Variants in WWC1 observed in about 807,000 individuals in gnomAD.
WWC1 encodes WW and C2 domain containing 1.
WWC1 carries 55 observed loss-of-function variants against 138.4 expected under a neutral mutation model. The observed-to-expected ratio is 0.40, with a 90% CI of 0.32 to 0.50. The LOEUF (loss-of-function observed/expected upper bound fraction) is 0.50. Ranked by LOEUF, WWC1 falls within the 20% of genes least tolerant of loss-of-function variation. The pLI is 0.72. For synonymous variants in WWC1, 524 were observed against 564.9 expected (o/e 0.93, Z 1.03); for missense variants, 1,226 against 1,420.4 (o/e 0.86, Z 2.20).
intron 1 of WWC1, among the ~76,000 whole-genome samples, chr5:168,328,586 G>A (rs773319389): frequency 1.4e-4 from 21 of 151,942 alleles, no homozygotes; most frequent in African/African-American, 2.7e-4. Flanking sequence ...TTGCTCTGTC[G>A]TCCCAACTGG....
intron 1 of WWC1, among the ~76,000 whole-genome samples, chr5:168,326,026 T>C (rs1772501734): frequency 6.6e-6 from 1 of 152,204 alleles, no homozygotes; most frequent in Non-Finnish European, 1.5e-5. Context: ...CCCTTGTATG[T>C]TGATATCACA....
Position 168,292,157 on chromosome 5 carries a change from C to G in WWC1, c.5C>G (p.Pro2Arg). The G allele has an allele frequency of 6.5e-7, 1 of 1,540,104 alleles. No individual in the cohort carries two copies. Among genetic ancestry groups the G allele is most frequent in the Non-Finnish European group, 8.8e-7 (1 of 1,142,590 alleles). The change falls in exon 1 of 23, where the codon CCC (proline) becomes CGC (arginine). Residue 2 changes from proline (P) to arginine (R), a missense_variant. This residue lies in a region of WWC1 where 1,016 missense variants were observed against 1,153.9 expected (regional missense o/e 0.88). Transcript: ENST00000265293. The surrounding 1 kb of genome is among the most constrained non-coding windows in gnomAD (Gnocchi z 4.4). M[P>R]RPELPLPEGW... is the part of the protein sequence containing the mutation. ...GCGCCGGCAGCGCTTGGGAAGATGC[C>G]CCGGCCGGAGCTGCCCCTGCCGGAG...
chr5:168,306,387 C>T (rs2152744924), intron 1 of WWC1, among the ~76,000 whole-genome samples: 1 of 152,276 alleles, frequency 6.6e-6, no homozygotes, highest in East Asian at 1.9e-4. Context: ...CAGAGCGAGA[C>T]TCCATCTTAA....
chr5:168,433,351 G>C (rs749634505), intron 15 of WWC1, among the ~76,000 whole-genome samples: 3 of 152,178 alleles, frequency 2.0e-5, no homozygotes, highest in Non-Finnish European at 4.4e-5. Context: ...TCACACTTTG[G>C]GTAGCAAGAA....
intron 19 of WWC1, among the ~76,000 whole-genome samples, chr5:168,458,824 T>A (rs915573375): frequency 6.6e-6 from 1 of 152,238 alleles, no homozygotes; most frequent in Non-Finnish European, 1.5e-5. Context: ...AAGGACTTAA[T>A]GTAGCTTCTG....
chr5:168,388,829 C>CAA (rs879533142), intron 3 of WWC1, among the ~76,000 whole-genome samples: 1 of 135,812 alleles, frequency 7.4e-6, no homozygotes, highest in East Asian at 2.1e-4. Flanking sequence ...GACTCCATCT[C>CAA]AAAAAAAAAA....
chr5:168,437,028 C>T (rs555452183), intron 15 of WWC1, among the ~76,000 whole-genome samples: 9 of 152,282 alleles, frequency 5.9e-5, no homozygotes, highest in African/African-American at 2.2e-4. Context: ...ATTAAAATCT[C>T]TGGGATTATA....
intron 1 of WWC1, among the ~76,000 whole-genome samples, chr5:168,321,665 G>A (rs1772117724): frequency 6.6e-6 from 1 of 151,826 alleles, no homozygotes; most frequent in Non-Finnish European, 1.5e-5. Flanking sequence ...AGCCTCCCGA[G>A]TAGCTGGGAT....
intron 2 of WWC1, among the ~76,000 whole-genome samples, chr5:168,374,064 AGAG>A (rs1561674760): frequency 8.0e-6 from 1 of 125,356 alleles, no homozygotes; most frequent in African/African-American, 3.2e-5. Flanking sequence ...AAAAAAAAAA[AGAG>A]AGAGAGGTAT....
intron 1 of WWC1, among the ~76,000 whole-genome samples, chr5:168,359,917 A>C (rs1294416869): frequency 1.3e-5 from 2 of 152,206 alleles, no homozygotes; most frequent in Admixed American, 1.3e-4. Context: ...AAGGGACTCA[A>C]AGCTTGGCAA....
At chr5:168,435,952 C>T (rs931235299) in intron 15 of WWC1, among the ~76,000 whole-genome samples, 1 of 152,118 alleles carries the variant, frequency 6.6e-6, no homozygotes, top group African/African-American at 2.4e-5. Context: ...AAACCATTCT[C>T]CTGCCTCAGC....
intron 1 of WWC1, among the ~76,000 whole-genome samples, chr5:168,362,390 C>T (rs1292788282): frequency 6.6e-6 from 1 of 152,188 alleles, no homozygotes; most frequent in Non-Finnish European, 1.5e-5. Flanking sequence ...CAAGGTCACA[C>T]AGCTAGAAAA....
intron 13 of WWC1, among the ~76,000 whole-genome samples, chr5:168,429,496 T>A (rs1781777564): frequency 6.6e-6 from 1 of 151,966 alleles, no homozygotes; most frequent in South Asian, 2.1e-4. Context: ...TGACCTCAAA[T>A]GATCTGCCCG....
chr5:168,339,532 C>T (rs1290041495), intron 1 of WWC1, among the ~76,000 whole-genome samples: 1 of 152,138 alleles, frequency 6.6e-6, no homozygotes, highest in Non-Finnish European at 1.5e-5. Context: ...CTGGTTCTGC[C>T]GTTTACTAGC....
chr5:168,322,415 C>T (rs1313175600), intron 1 of WWC1, among the ~76,000 whole-genome samples: 1 of 152,142 alleles, frequency 6.6e-6, no homozygotes, highest in Admixed American at 6.5e-5. Flanking sequence ...AATATATCGA[C>T]AAACAGGTGT....
In WWC1 at chr5:168,333,389, T is replaced by C. The variant is rs181501669; in HGVS notation, c.120-38035T>C. Among the ~76,000 whole-genome samples, 45 of 152,348 alleles carry C rather than the reference T, an allele frequency of 3.0e-4. 1 individual carries two copies. The highest frequency in any genetic ancestry group is 1.1e-3 in the African/African-American group (44 of 41,582). The stretch of plus-strand genomic sequence containing the variant: ...GCCTATTTTGCACCCTTGAGATTCA[T>C]GGAAAATGTGCATCTTTATAATCCT... On this transcript the variant is annotated intron_variant, in intron 1 of 22. Transcript: ENST00000265293.
intron 2 of WWC1, among the ~76,000 whole-genome samples, chr5:168,384,148 C>T (rs1777857599): frequency 7.6e-6 from 1 of 131,276 alleles, no homozygotes; most frequent in Admixed American, 7.5e-5. Context: ...GTGAATATAG[C>T]ATACATATTT....
chr5:168,417,928 C>T (rs76627392), intron 9 of WWC1, among the ~76,000 whole-genome samples: 2,168 of 152,326 alleles, frequency 0.014, 33 homozygotes, highest in Non-Finnish European at 0.021. Context: ...TTTGTGTCTG[C>T]AGCTGTTTCC....
rs145457978 is a variant in WWC1, at chr5:168,444,583, C to A, written c.2523C>A (p.Ser841Arg). The change falls in exon 17 of 23, where the codon AGC becomes AGA. Residue 841 changes from serine (S) to arginine (R), a missense_variant and splice_region_variant. Coordinates refer to ENST00000265293, the MANE Select transcript of WWC1 (RefSeq NM_015238.3). ...GRSSTQTLED[S>R]WRYEETSENE... is the part of the protein sequence containing the mutation. ...GCAGCACACAGACACTGGAAGACAGCTGGTGAGTGAGCCCGCCCTTGGGCC... is the reference window on the plus strand; with the variant it reads ...GCAGCACACAGACACTGGAAGACAGATGGTGAGTGAGCCCGCCCTTGGGCC... 1.9e-6 allele frequency: 3 copies of A among 1,613,046 alleles called. No individual in the cohort carries two copies. Among genetic ancestry groups the A allele is most frequent in the African/African-American group, 2.7e-5 (2 of 74,922 alleles).
Sources: gnomAD v4.1 joint callset for allele counts (sites outside exome capture counted in the v4.1 genomes callset) on GRCh38, gnomAD v4.1.1 for gene constraint, gnomAD v4.1.1 regional missense constraint, Gnocchi (gnomAD v3.1) non-coding constraint, MANE v1.5 for transcripts, NCBI Gene and HGNC (gene_info 2026-07-23, HGNC 2026-07-21) for gene names.